The following FRMD4A variants were observed in gnomAD, a reference collection of about 807,000 sequenced individuals.
The protein encoded by FRMD4A is FERM domain-containing protein 4A.
Under a neutral mutation model 129.1 loss-of-function variants are expected in FRMD4A, and 29 were observed. That is an observed-to-expected ratio of 0.22 (90% CI 0.17 to 0.31). FRMD4A has a LOEUF of 0.31. Ranked by LOEUF, FRMD4A falls within the 10% of genes least tolerant of loss-of-function variation. The pLI, the probability that FRMD4A is intolerant of heterozygous loss-of-function variation, is 1.00. For synonymous variants in FRMD4A, 634 were observed against 571.6 expected, an observed-to-expected ratio of 1.11 and a Z score of -1.56; for missense variants, 1,272 against 1,375.8, an observed-to-expected ratio of 0.92 and a Z score of 1.19.
chr10:13,698,466 G>C (rs78103027), intron 14 of FRMD4A, among the ~76,000 whole-genome samples: 2 of 152,242 alleles, frequency 1.3e-5, no homozygotes, highest in Non-Finnish European at 2.9e-5. Context: ...CAATCACATC[G>C]CTGTTCTATA....
intron 2 of FRMD4A, among the ~76,000 whole-genome samples, chr10:14,280,225 C>T (rs148691114): frequency 4.6e-5 from 7 of 152,168 alleles, no homozygotes; most frequent in African/African-American, 7.2e-5. Flanking sequence ...CGCCCTGGAA[C>T]CTTTGCTTGG....
intron 2 of FRMD4A, among the ~76,000 whole-genome samples, chr10:14,296,635 C>G (rs1167727996): frequency 6.6e-6 from 1 of 152,196 alleles, no homozygotes; most frequent in Admixed American, 6.5e-5. Context: ...AGAAAGAGAT[C>G]AAATGCTTAA....
At chr10:13,977,695 C>G (rs898997599) in intron 2 of FRMD4A, among the ~76,000 whole-genome samples, 1 of 152,180 alleles carries the variant, frequency 6.6e-6, no homozygotes, top group Non-Finnish European at 1.5e-5. Context: ...TACTGGCAGC[C>G]TTTAGTCTCC....
Position 13,714,044 on chromosome 10 carries a change from A to T in FRMD4A, c.760-6931T>A, listed in dbSNP as rs1368394352. Among the ~76,000 whole-genome samples, 74 of 9,844 alleles carry T rather than the reference A, an allele frequency of 7.5e-3. 16 individuals carry two copies. The East Asian group carries it at 0.23, about 30-fold the overall frequency. 6.5% of individuals were successfully genotyped at this position (9,844 alleles called of 152,430 possible). ...AAAATATACATATATATATATATAT[A>T]TATATATATATATATAAAATATACT... is the stretch of plus-strand genomic sequence containing the variant. On this transcript the variant is annotated intron_variant, in intron 12 of 24. Transcript: ENST00000357447.
chr10:13,917,029 G>A (rs903621062), intron 2 of FRMD4A, among the ~76,000 whole-genome samples: 1 of 152,098 alleles, frequency 6.6e-6, no homozygotes, highest in East Asian at 1.9e-4. Context: ...CCGAAGTTTT[G>A]GCTCTCAAAA....
intron 2 of FRMD4A, among the ~76,000 whole-genome samples, chr10:14,280,766 G>T (rs1845491661): frequency 6.6e-6 from 1 of 152,088 alleles, no homozygotes; most frequent in Non-Finnish European, 1.5e-5. Flanking sequence ...GAACCTGAGT[G>T]AAAAGTGTGA....
At chr10:14,252,051 C>T (rs774594793) in intron 2 of FRMD4A, among the ~76,000 whole-genome samples, 5 of 152,144 alleles carry the variant, frequency 3.3e-5, no homozygotes, top group Non-Finnish European at 7.4e-5. Context: ...TTTATTTGAA[C>T]AAACTATATT....
intron 2 of FRMD4A, among the ~76,000 whole-genome samples, chr10:14,180,104 A>G (rs1841862963): frequency 6.6e-6 from 1 of 152,190 alleles, no homozygotes; most frequent in South Asian, 2.1e-4. Flanking sequence ...CAATGATCCC[A>G]TGAGATGTGG....
intron 3 of FRMD4A, among the ~76,000 whole-genome samples, chr10:13,841,745 A>T (rs1343871517): frequency 6.6e-6 from 1 of 152,166 alleles, no homozygotes; most frequent in Admixed American, 6.5e-5. Flanking sequence ...CCTATATAAT[A>T]TAACCTTCAT....
At chr10:13,687,695 G>A (rs1396564869) in intron 15 of FRMD4A, among the ~76,000 whole-genome samples, 1 of 152,198 alleles carries the variant, frequency 6.6e-6, no homozygotes, top group African/African-American at 2.4e-5. Flanking sequence ...GAGAGACGCA[G>A]CTACAAATGT....
chr10:13,855,823 A>G (rs183216525), intron 3 of FRMD4A, among the ~76,000 whole-genome samples: 3 of 152,310 alleles, frequency 2.0e-5, no homozygotes, highest in Admixed American at 2.0e-4. Context: ...ACTGCCCAAC[A>G]GATAGAATCC....
intron 2 of FRMD4A, among the ~76,000 whole-genome samples, chr10:14,170,791 A>G (rs1841433618): frequency 6.9e-6 from 1 of 144,860 alleles, no homozygotes; most frequent in South Asian, 2.3e-4. Flanking sequence ...CCTCCCTTCC[A>G]CTCCCCTACC....
chr10:13,887,316 A>C lies in FRMD4A; in HGVS notation c.46-28404T>G, dbSNP rs548045033. On this transcript the variant is annotated intron_variant, in intron 2 of 24. Coordinates refer to ENST00000357447, the MANE Select transcript of FRMD4A (RefSeq NM_018027.5). ...ACTGTGACTTTTATTCTTAGCAGTG[A>C]CTTCCATCTTCAAGTGGAAGATGAA... Among the ~76,000 whole-genome samples, 10 of 152,314 alleles carry C rather than the reference A, an allele frequency of 6.6e-5. No individual in the cohort carries two copies. The South Asian group carries it at 2.1e-3, about 32-fold the overall frequency.
In FRMD4A at chr10:13,691,424, G is replaced by T. The variant is rs78013837; in HGVS notation, c.1117+2474C>A. Among the ~76,000 whole-genome samples the T allele has an allele frequency of 3.9e-5, 6 of 152,254 alleles. No homozygotes were observed. In the East Asian group the frequency reaches 1.2e-3, roughly 29 times the overall value. ...CCTGGAGTCTGCCAGATACAAGGGG[G>T]CCCGTGCAGATGGACCAGGACACGG... On this transcript the variant is annotated intron_variant, in intron 15 of 24. Coordinates refer to ENST00000357447, the MANE Select transcript of FRMD4A (RefSeq NM_018027.5).
intron 2 of FRMD4A, among the ~76,000 whole-genome samples, chr10:14,107,824 A>G (rs1486480711): frequency 6.6e-6 from 1 of 152,194 alleles, no homozygotes; most frequent in African/African-American, 2.4e-5. Context: ...CGGCTGGACC[A>G]CAACTTATTT....
chr10:13,740,279 A>T, intron 10 of FRMD4A, 28 bp from the exon 11 acceptor site: 2 of 1,502,420 alleles, frequency 1.3e-6, no homozygotes, highest in Non-Finnish European at 1.9e-6. Context: ...AGATACACAA[A>T]CACACACACA....
chr10:13,693,685 C>CT (rs200663128), intron 15 of FRMD4A: 40,312 of 599,774 alleles, frequency 0.067, 1,283 homozygotes, highest in African/African-American at 0.22. Flanking sequence ...TCTACTGATG[C>CT]TTTTTTTTTT....
At chr10:14,008,482 C>T in intron 2 of FRMD4A, 3 of 995,376 alleles carry the variant, frequency 3.0e-6, no homozygotes, top group Non-Finnish European at 3.6e-6. Flanking sequence ...GCAAGTGACG[C>T]GTCTGGGGAG....
chr10:13,983,175 G>C (rs2095568259), intron 2 of FRMD4A, among the ~76,000 whole-genome samples: 1 of 152,114 alleles, frequency 6.6e-6, no homozygotes, highest in African/African-American at 2.4e-5. Context: ...CGGCCAGGCT[G>C]GTCGCCAATT....
Sources: gnomAD v4.1 joint callset for allele counts (sites outside exome capture counted in the v4.1 genomes callset) on GRCh38, gnomAD v4.1.1 for gene constraint, MANE v1.5 for transcripts, NCBI Gene and HGNC (gene_info 2026-07-23, HGNC 2026-07-21) for gene names.